The following NEK9 variants were observed in gnomAD, a reference collection of about 807,000 sequenced individuals.
The protein encoded by NEK9 is NIMA related kinase 9.
In NEK9, 75 loss-of-function variants were observed where a neutral mutation model predicts 123.4. The ratio of observed to expected loss-of-function variants is 0.61; its 90% CI spans 0.50 to 0.74. NEK9 has a LOEUF of 0.74. Ranked by LOEUF, NEK9 falls within the 30% of genes least tolerant of loss-of-function variation. The probability of loss-of-function intolerance (pLI) is 0.00; values close to 1 mark genes in which losing one functional copy is unlikely to be tolerated. For synonymous variants in NEK9, 438 were observed against 458.7 expected (o/e 0.95, Z 0.58); for missense variants, 952 against 1,214.4 (o/e 0.78, Z 3.21).
intron 9 of NEK9, among the ~76,000 whole-genome samples, chr14:75,110,106 C>T (rs1894911929): frequency 6.6e-6 from 1 of 152,232 alleles, no homozygotes; most frequent in African/African-American, 2.4e-5. Context: ...ATAACACCTA[C>T]ACTTTTCCAC....
In NEK9 at chr14:75,091,393, G is replaced by A. The variant is rs754692739; in HGVS notation, c.2319C>T (p.Asp773=). ...EDSQQESETP[D]PSGGFRGTME... is the part of the protein sequence containing the mutation. Reference sequence around the variant, plus strand: ...TTGTTCCTCGGAAGCCTCCACTTGGGTCAGGAGTTTCAGATTCCTGCTGAC... The same window carrying A: ...TTGTTCCTCGGAAGCCTCCACTTGGATCAGGAGTTTCAGATTCCTGCTGAC... The change falls in exon 19 of 22, where the codon GAC becomes GAT. Residue 773 remains aspartate (D), a synonymous_variant. Coordinates refer to ENST00000238616, the MANE Select transcript of NEK9 (RefSeq NM_033116.6). 3.1e-6 allele frequency: 5 copies of A among 1,613,562 alleles called. No individual in the cohort carries two copies. Among genetic ancestry groups the A allele is most frequent in the Non-Finnish European group, 4.2e-6 (5 of 1,179,940 alleles).
chr14:75,106,651 AC>A lies in NEK9; in HGVS notation c.1378del (p.Val460TrpfsTer10). On this transcript the variant is annotated frameshift_variant, in exon 12 of 22. Coordinates refer to ENST00000238616, the MANE Select transcript of NEK9 (RefSeq NM_033116.6). LOFTEE classifies it high-confidence loss of function. Reference protein sequence around the residue: ...FGSDYYGCMGVDKVAGPEVLE... With the variant: ...FGSDYYGCMGXDKVAGPEVLE... The stretch of plus-strand genomic sequence containing the variant: ...CACTTCAGGGCCAGCAACTTTGTCC[AC>A]CCCCATGCAGCCATAATAATCTGAT... The A allele has an allele frequency of 1.2e-6, 2 of 1,613,904 alleles. No homozygotes were observed. The highest frequency in any genetic ancestry group is 1.7e-6 in the Non-Finnish European group (2 of 1,179,994).
chr14:75,103,852 A>G lies in NEK9; in HGVS notation c.1721T>C (p.Ile574Thr). Reference protein sequence around the residue: ...LGLNQCMSGIINHEAYHEVPY... With the variant: ...LGLNQCMSGITNHEAYHEVPY... Reference sequence around the variant, plus strand: ...AATCAGGACACTCACTTCATGGTTGATAATTCCCGACATGCACTGATTCAG... The same window carrying G: ...AATCAGGACACTCACTTCATGGTTGGTAATTCCCGACATGCACTGATTCAG... The change falls in exon 14 of 22, where the codon ATC becomes ACC. Residue 574 changes from isoleucine to threonine, a missense_variant. Ile to Thr is a moderately conservative substitution (Grantham distance 89). Transcript: ENST00000238616. The G allele has an allele frequency of 6.2e-7, 1 of 1,611,212 alleles. No individual in the cohort carries two copies. The highest frequency in any genetic ancestry group is 8.5e-7 in the Non-Finnish European group (1 of 1,179,114).
intron 2 of NEK9, among the ~76,000 whole-genome samples, chr14:75,123,153 C>A (rs983005955): frequency 2.0e-5 from 3 of 152,042 alleles, no homozygotes; most frequent in African/African-American, 7.3e-5. Flanking sequence ...GTAATCCCAG[C>A]ACTTTGGGAG....
chr14:75,120,492 AT>A lies in NEK9; in HGVS notation c.524+17del, dbSNP rs770454710. ...ATTGGTAGGGAAGAATCCATCCATA[AT>A]TTTTTTTACTTCTTACCTATGAAGG... On this transcript the variant is annotated intron_variant, in intron 4 of 21. Coordinates refer to ENST00000238616, the MANE Select transcript of NEK9 (RefSeq NM_033116.6). The A allele has an allele frequency of 3.5e-5, 55 of 1,583,224 alleles. No individual in the cohort carries two copies. The highest frequency in any genetic ancestry group is 6.7e-5 in the South Asian group (6 of 89,170).
At chr14:75,110,791 G>C (rs1050214053) in intron 8 of NEK9, among the ~76,000 whole-genome samples, 1 of 151,840 alleles carries the variant, frequency 6.6e-6, no homozygotes, top group Non-Finnish European at 1.5e-5. Context: ...GTAACTAGCC[G>C]CAACACCCTT....
At chr14:75,118,048 T>C (rs1329837254) in intron 5 of NEK9, among the ~76,000 whole-genome samples, 3 of 152,324 alleles carry the variant, frequency 2.0e-5, no homozygotes, top group East Asian at 1.9e-4. Context: ...CAAGTCTTGG[T>C]TTTATCAGAT....
At chr14:75,106,340 C>G (rs943391374) in intron 12 of NEK9, 162 bp downstream of exon 12, 8 of 594,272 alleles carry the variant, frequency 1.3e-5, no homozygotes, top group Non-Finnish European at 1.9e-5. Flanking sequence ...GCCTGGGTGA[C>G]AGAGAGAGAC....
intron 19 of NEK9, among the ~76,000 whole-genome samples, chr14:75,089,298 G>A (rs896227647): frequency 1.3e-5 from 2 of 152,076 alleles, no homozygotes; most frequent in Non-Finnish European, 2.9e-5. Flanking sequence ...CACAATCTCG[G>A]CTCACTGCAA....
intron 2 of NEK9, among the ~76,000 whole-genome samples, chr14:75,121,457 C>A (rs1260600016): frequency 6.6e-6 from 1 of 152,214 alleles, no homozygotes; most frequent in East Asian, 1.9e-4. Flanking sequence ...TTGTTCCCAA[C>A]AAGTGAAGTA....
At chr14:75,117,667 C>A (rs1174120298) in intron 5 of NEK9, among the ~76,000 whole-genome samples, 1 of 152,126 alleles carries the variant, frequency 6.6e-6, no homozygotes, top group Non-Finnish European at 1.5e-5. Flanking sequence ...AGTAGAAGTT[C>A]ACCAATGGGA....
Position 75,123,164 on chromosome 14 carries a change from G to A in NEK9, c.397+882C>T, listed in dbSNP as rs184023046. On this transcript the variant is annotated intron_variant, in intron 2 of 21. Coordinates refer to ENST00000238616, the MANE Select transcript of NEK9 (RefSeq NM_033116.6). ...GCCTGTAATCCCAGCACTTTGGGAG[G>A]CGGAGGTGGGCGGATCACCTAAGGT... 5.9e-5 allele frequency among the ~76,000 whole-genome samples: 9 copies of A among 152,184 alleles called. No homozygotes were observed. The East Asian group carries it at 1.7e-3, about 29-fold the overall frequency.
chr14:75,084,472 AC>A lies in NEK9; in HGVS notation c.*91del. 6.6e-7 allele frequency: 1 copy of A among 1,515,172 alleles called. No individual in the cohort carries two copies. The highest frequency in any genetic ancestry group is 9.0e-7 in the Non-Finnish European group (1 of 1,106,702). The allele number at this position is 1,515,172 out of a possible 1,614,324, so 93.9% of individuals were successfully genotyped here. ...CCTTGCGCTCCTTTTCTGCAAGTGA[AC>A]AAAGCCAGGAAAGCTGCTCTCTGCA... On this transcript the variant is annotated 3_prime_UTR_variant, in exon 22 of 22. Coordinates refer to ENST00000238616, the MANE Select transcript of NEK9 (RefSeq NM_033116.6).
At chr14:75,101,345 C>A (rs558939174) in intron 15 of NEK9, among the ~76,000 whole-genome samples, 192 bp from the exon 16 acceptor site, 1 of 152,046 alleles carries the variant, frequency 6.6e-6, no homozygotes, top group Non-Finnish European at 1.5e-5. Flanking sequence ...GTCAGCGACT[C>A]GATATTGTAT....
Position 75,097,148 on chromosome 14 carries a change from G to A in NEK9, c.2125C>T (p.His709Tyr). The change falls in exon 17 of 22, where the codon CAT becomes TAT. Residue 709 changes from histidine to tyrosine, a missense_variant. Physicochemically the swap from His to Tyr is moderately conservative, Grantham distance 83. This residue lies in a region of NEK9 where 698 missense variants were observed against 875.6 expected (regional missense o/e 0.80). Transcript: ENST00000238616. The stretch of plus-strand genomic sequence containing the variant: ...CCACGGCAAGACAGGTCCGGGACAT[G>A]ATGCAGAGATCCAAAAATAGGCCGA... ...WPRPIFGSLH[H>Y]VPDLSCRGWH... is the part of the protein sequence containing the mutation. 1 of 1,613,798 alleles carries A rather than the reference G, an allele frequency of 6.2e-7. No individual in the cohort carries two copies.
chr14:75,096,257 AC>A (rs1411071392), intron 17 of NEK9, among the ~76,000 whole-genome samples: 1 of 120,538 alleles, frequency 8.3e-6, no homozygotes, highest in Non-Finnish European at 1.6e-5. Context: ...AGCCTGGGCG[AC>A]AGAGCGAGAC....
intron 2 of NEK9, 144 bp from the exon 3 acceptor site, chr14:75,121,318 G>T: frequency 1.7e-6 from 1 of 586,706 alleles, no homozygotes; most frequent in Admixed American, 3.2e-5. Flanking sequence ...TTTTCACATG[G>T]GCACAAAACT....
chr14:75,126,609 TAA>T, intron 1 of NEK9, 92 bp downstream of exon 1: 1 of 1,027,806 alleles, frequency 9.7e-7, no homozygotes, highest in Middle Eastern at 3.3e-4. Context: ...CCTAAAGCAC[TAA>T]GCTCACGACG....
rs780443634 is a variant in NEK9 at position 75,101,077 on chromosome 14, T to G, written c.1917A>C (p.Gly639=). ...LGVGNYKKRL[G]INLLGGPLGG... ...CAAGGGGTCCCCCCAACAGGTTGAT[T>G]CCCAGACGCTTCTTGTAGTTCCCAA... The change falls in exon 16 of 22, where the codon GGA becomes GGC. Residue 639 remains glycine (G), a synonymous_variant. Coordinates refer to ENST00000238616, the MANE Select transcript of NEK9 (RefSeq NM_033116.6). 1.2e-6 allele frequency: 2 copies of G among 1,614,230 alleles called. No individual in the cohort carries two copies. Among genetic ancestry groups the G allele is most frequent in the South Asian group, 2.2e-5 (2 of 91,086 alleles).
Sources: allele counts gnomAD v4.1 joint callset (sites outside exome capture counted in the v4.1 genomes callset), GRCh38; gene constraint gnomAD v4.1.1; regional missense constraint gnomAD v4.1.1; transcripts MANE v1.5; gene names NCBI Gene and HGNC (gene_info 2026-07-23, HGNC 2026-07-21).